The following PCGF5 variants were observed in gnomAD, a reference collection of about 807,000 sequenced individuals.
PCGF5 encodes the protein polycomb group RING finger protein 5.
A neutral mutation model predicts 44.3 loss-of-function variants in PCGF5; 9 were observed. The observed-to-expected ratio is 0.20, with a 90% CI of 0.12 to 0.35. The LOEUF (loss-of-function observed/expected upper bound fraction) is 0.35, where lower values mean the gene tolerates loss of function less well. Ranked by LOEUF, PCGF5 falls within the 10% of genes least tolerant of loss-of-function variation. The pLI is 1.00. For synonymous variants in PCGF5, 95 were observed against 102.5 expected, an observed-to-expected ratio of 0.93 and a Z score of 0.44; for missense variants, 146 against 305.3, an observed-to-expected ratio of 0.48 and a Z score of 3.89.
chr10:91,177,643 T>G (rs1438046914), intron 1 of PCGF5, among the ~76,000 whole-genome samples: 5 of 152,186 alleles, frequency 3.3e-5, no homozygotes, highest in African/African-American at 1.2e-4. Context: ...TGCCTTGCAG[T>G]TCAATCTCAG....
chr10:91,169,014 A>G (rs1020227685), intron 1 of PCGF5, among the ~76,000 whole-genome samples: 19 of 151,344 alleles, frequency 1.3e-4, no homozygotes, highest in African/African-American at 3.6e-4. Flanking sequence ...TGCAGAGGAA[A>G]GGAATGAAGA....
chr10:91,268,190 C>A (rs1302768023), intron 8 of PCGF5, among the ~76,000 whole-genome samples: 3 of 152,106 alleles, frequency 2.0e-5, no homozygotes, highest in African/African-American at 7.2e-5. Context: ...TACACATCAT[C>A]TACCTTTTAT....
intron 2 of PCGF5, among the ~76,000 whole-genome samples, chr10:91,224,074 A>G (rs11186507): frequency 0.13 from 20,423 of 152,180 alleles, 1,760 homozygotes; most frequent in Non-Finnish European, 0.19. Flanking sequence ...TTGAAATGGC[A>G]AATTTTATGT....
upstream of PCGF5, among the ~76,000 whole-genome samples, chr10:91,219,012 G>A (rs1444609782): frequency 1.3e-5 from 2 of 152,078 alleles, no homozygotes; most frequent in Non-Finnish European, 2.9e-5. Flanking sequence ...TTAAATTGGG[G>A]TGGGAGAGAT....
chr10:91,164,953 TG>T (rs1843472966), intron 1 of PCGF5, among the ~76,000 whole-genome samples: 1 of 152,268 alleles, frequency 6.6e-6, no homozygotes, highest in South Asian at 2.1e-4. Flanking sequence ...TGGGCTGTTT[TG>T]TTCGCTGCTA....
chr10:91,271,977 A>C (rs1715461705), intron 9 of PCGF5, among the ~76,000 whole-genome samples: 1 of 152,032 alleles, frequency 6.6e-6, no homozygotes, highest in South Asian at 2.1e-4. Context: ...AGAAATCTCT[A>C]CTCCATATTG....
At chr10:91,178,229 A>C (rs1564625924) in intron 1 of PCGF5, among the ~76,000 whole-genome samples, 1 of 152,212 alleles carries the variant, frequency 6.6e-6, no homozygotes, top group African/African-American at 2.4e-5. Flanking sequence ...AGCCATAATT[A>C]TATCAATAAT....
At chr10:91,263,118 C>T (rs547294675) in intron 7 of PCGF5, among the ~76,000 whole-genome samples, 6 of 152,196 alleles carry the variant, frequency 3.9e-5, no homozygotes, top group Admixed American at 3.9e-4. Context: ...TTCAGTTCCC[C>T]CCTTATTTTG....
chr10:91,253,440 A>G (rs1845668984), intron 6 of PCGF5, among the ~76,000 whole-genome samples: 1 of 151,892 alleles, frequency 6.6e-6, no homozygotes, highest in Non-Finnish European at 1.5e-5. Context: ...CTGAAGTGTT[A>G]TGTCTCTATT....
intron 8 of PCGF5, among the ~76,000 whole-genome samples, chr10:91,267,733 G>A (rs929562827): frequency 2.0e-5 from 3 of 152,126 alleles, no homozygotes; most frequent in African/African-American, 7.2e-5. Context: ...TCTTGATTGA[G>A]CTCCTGTAGC....
intron 1 of PCGF5, among the ~76,000 whole-genome samples, chr10:91,211,852 G>A (rs1253523078): frequency 1.3e-5 from 2 of 152,008 alleles, no homozygotes; most frequent in African/African-American, 4.8e-5. Flanking sequence ...AGGTTATAGA[G>A]CTTATCTGGA....
chr10:91,274,031 A>G (rs1232179403), intron 9 of PCGF5, among the ~76,000 whole-genome samples: 1 of 151,888 alleles, frequency 6.6e-6, no homozygotes, highest in Admixed American at 6.6e-5. Context: ...GATTACCTAG[A>G]TTCATCAATT....
chr10:91,274,912 G>A (rs183708392), intron 9 of PCGF5, among the ~76,000 whole-genome samples: 13 of 152,020 alleles, frequency 8.6e-5, no homozygotes, highest in Admixed American at 5.9e-4. Flanking sequence ...GACTGGGTGG[G>A]GAATTCAATT....
upstream of PCGF5, among the ~76,000 whole-genome samples, chr10:91,215,815 TC>T (rs778767694): frequency 4.6e-5 from 7 of 152,386 alleles, no homozygotes; most frequent in Non-Finnish European, 1.0e-4. Context: ...TTGATCATGT[TC>T]CATTTAACAC....
chr10:91,235,855 A>G (rs182855640), intron 2 of PCGF5, among the ~76,000 whole-genome samples: 7 of 152,230 alleles, frequency 4.6e-5, no homozygotes, highest in Non-Finnish European at 8.8e-5. Context: ...AGCCATTTGG[A>G]ACTGTAAGTC....
intron 6 of PCGF5, among the ~76,000 whole-genome samples, chr10:91,255,741 A>T (rs1845732647): frequency 6.6e-6 from 1 of 152,118 alleles, no homozygotes; most frequent in South Asian, 2.1e-4. Context: ...TTTCAACAAC[A>T]ACAACAACAA....
chr10:91,256,496 A>G (rs1051294300), intron 6 of PCGF5, among the ~76,000 whole-genome samples: 3 of 152,084 alleles, frequency 2.0e-5, no homozygotes, highest in Non-Finnish European at 4.4e-5. Context: ...CCAGAAGGAG[A>G]GGAAATGGAG....
chr10:91,267,289 C>T (rs946786496), intron 8 of PCGF5, among the ~76,000 whole-genome samples: 3 of 152,160 alleles, frequency 2.0e-5, no homozygotes, highest in East Asian at 1.9e-4. Context: ...AAACTACAAC[C>T]CCCTCTCCCG....
chr10:91,201,055 A>T (rs931945143), intron 1 of PCGF5, among the ~76,000 whole-genome samples: 2 of 152,172 alleles, frequency 1.3e-5, no homozygotes, highest in Non-Finnish European at 2.9e-5. Flanking sequence ...GGTGATGGGG[A>T]AAGTTTTATA....
Sources: allele counts gnomAD v4.1 joint callset (sites outside exome capture counted in the v4.1 genomes callset), GRCh38; gene constraint gnomAD v4.1.1; transcripts MANE v1.5; gene names NCBI Gene and HGNC (gene_info 2026-07-23, HGNC 2026-07-21).